The following SH3RF1 variants were observed in gnomAD, a reference collection of about 807,000 sequenced individuals.
SH3RF1 encodes E3 ubiquitin-protein ligase SH3RF1.
SH3RF1 carries 32 observed loss-of-function variants against 74.0 expected under a neutral mutation model. That is an observed-to-expected ratio of 0.43 (90% CI 0.33 to 0.58). SH3RF1 has a LOEUF of 0.58. Among genes scored for constraint, SH3RF1 ranks in the 20% least tolerant of loss-of-function variants. SH3RF1 has a pLI of 0.05. For synonymous variants in SH3RF1, 396 were observed against 439.6 expected (o/e 0.90, Z 1.24); for missense variants, 954 against 1,130.9 (o/e 0.84, Z 2.24).
chr4:169,163,699 C>T (rs770866867), intron 2 of SH3RF1, among the ~76,000 whole-genome samples: 1 of 152,068 alleles, frequency 6.6e-6, no homozygotes, highest in Non-Finnish European at 1.5e-5. Flanking sequence ...TCTGTTCCAC[C>T]TCATATTTTC....
At chr4:169,187,516 C>CTGTGTGTGTG (rs60705711) in intron 2 of SH3RF1, among the ~76,000 whole-genome samples, 1 of 144,072 alleles carries the variant, frequency 6.9e-6, no homozygotes, top group Non-Finnish European at 1.5e-5. Flanking sequence ...CAACGAATTT[C>CTGTGTGTGTG]TGTGTGTGTG....
intron 2 of SH3RF1, among the ~76,000 whole-genome samples, chr4:169,255,622 TACACACACACACACAC>T (rs56229906): frequency 8.0e-5 from 10 of 124,660 alleles, no homozygotes; most frequent in African/African-American, 2.7e-4. Flanking sequence ...CATACACACA[TACACACACACACACAC>T]ACACACACAC....
intron 2 of SH3RF1, among the ~76,000 whole-genome samples, chr4:169,213,718 C>T (rs761456720): frequency 4.6e-5 from 7 of 152,186 alleles, no homozygotes; most frequent in Admixed American, 2.6e-4. Flanking sequence ...TTTCTAGATT[C>T]ATTGTTTGCA....
In SH3RF1 at chr4:169,255,766, A is replaced by AC. The variant is rs1446333038; in HGVS notation, c.393+13053dup. On this transcript the variant is annotated intron_variant, in intron 2 of 11. Coordinates refer to ENST00000284637, the MANE Select transcript of SH3RF1 (RefSeq NM_020870.4). ...GGGCATAATAATCTTTCCTAACATT[A>AC]CTTTTTTTTTTTCTTTTTGAGTCAA... is the stretch of plus-strand genomic sequence containing the variant. 2.6e-5 allele frequency among the ~76,000 whole-genome samples: 4 copies of AC among 151,164 alleles called. No individual in the cohort carries two copies. The East Asian group carries it at 7.8e-4, about 29-fold the overall frequency.
chr4:169,178,554 C>T (rs946116895), intron 2 of SH3RF1, among the ~76,000 whole-genome samples: 1 of 152,130 alleles, frequency 6.6e-6, no homozygotes, highest in East Asian at 1.9e-4. Flanking sequence ...AACACAGGTA[C>T]TTTGGTTCTG....
intron 2 of SH3RF1, among the ~76,000 whole-genome samples, chr4:169,182,976 G>A (rs1734537420): frequency 6.6e-6 from 1 of 152,160 alleles, no homozygotes. Flanking sequence ...GAGGCTAGGG[G>A]TTTGAGACCC....
chr4:169,226,603 T>C (rs770220473), intron 2 of SH3RF1, among the ~76,000 whole-genome samples: 9 of 152,118 alleles, frequency 5.9e-5, no homozygotes, highest in Non-Finnish European at 1.0e-4. Flanking sequence ...GAAAGGGAGA[T>C]ACAGAAAGGC....
chr4:169,270,156 C>T (rs1224037361), intron 1 of SH3RF1, among the ~76,000 whole-genome samples: 2 of 152,246 alleles, frequency 1.3e-5, no homozygotes, highest in Non-Finnish European at 2.9e-5. Context: ...CCCAGGAGAA[C>T]GGGAGTAAAA....
At chr4:169,187,458 G>A (rs968196129) in intron 2 of SH3RF1, among the ~76,000 whole-genome samples, 1 of 151,792 alleles carries the variant, frequency 6.6e-6, no homozygotes, top group Non-Finnish European at 1.5e-5. Context: ...AAAGTGCTGG[G>A]ATTACAGGCA....
At chr4:169,126,740 T>A (rs959137486) in intron 6 of SH3RF1, among the ~76,000 whole-genome samples, 1 of 151,886 alleles carries the variant, frequency 6.6e-6, no homozygotes, top group African/African-American at 2.4e-5. Context: ...TGCACCACCA[T>A]GCCCAGCTAA....
At chr4:169,197,520 A>G (rs1262729339) in intron 2 of SH3RF1, among the ~76,000 whole-genome samples, 2 of 150,444 alleles carry the variant, frequency 1.3e-5, no homozygotes, top group African/African-American at 4.9e-5. Context: ...GCTACTCAGG[A>G]GGCTGAGGCA....
At chr4:169,130,609 T>C (rs1457421592) in intron 5 of SH3RF1, among the ~76,000 whole-genome samples, 1 of 152,174 alleles carries the variant, frequency 6.6e-6, no homozygotes, top group African/African-American at 2.4e-5. Context: ...TATTTTGCTA[T>C]TTTCAGGATC....
intron 2 of SH3RF1, among the ~76,000 whole-genome samples, chr4:169,216,675 C>T (rs796735719): frequency 2.0e-5 from 3 of 152,242 alleles, no homozygotes; most frequent in African/African-American, 7.2e-5. Context: ...ACCCCCATCT[C>T]ACTCAAAAAT....
intron 2 of SH3RF1, among the ~76,000 whole-genome samples, chr4:169,164,987 T>TCA (rs997523828): frequency 2.6e-5 from 4 of 152,220 alleles, no homozygotes; most frequent in Non-Finnish European, 1.5e-5. Context: ...GAAGTTTGTG[T>TCA]CACTCATTGC....
intron 2 of SH3RF1, among the ~76,000 whole-genome samples, chr4:169,201,012 A>G (rs1328091383): frequency 6.6e-6 from 1 of 152,228 alleles, no homozygotes. Flanking sequence ...AAATTTTAAA[A>G]ACACAACAGG....
chr4:169,152,603 G>A (rs1733992869), intron 4 of SH3RF1, among the ~76,000 whole-genome samples: 1 of 152,086 alleles, frequency 6.6e-6, no homozygotes, highest in African/African-American at 2.4e-5. Flanking sequence ...CGGACGTGGT[G>A]GTGCATGTCT....
intron 2 of SH3RF1, among the ~76,000 whole-genome samples, chr4:169,258,971 C>A (rs1210719438): frequency 6.6e-6 from 1 of 152,128 alleles, no homozygotes; most frequent in Non-Finnish European, 1.5e-5. Flanking sequence ...GTATCCCACA[C>A]TGACACTCTT....
intron 4 of SH3RF1, among the ~76,000 whole-genome samples, chr4:169,143,136 G>A (rs1300709862): frequency 6.6e-6 from 1 of 152,200 alleles, no homozygotes; most frequent in South Asian, 2.1e-4. Context: ...AGGGAAGGAA[G>A]TGCTGCCTCT....
intron 2 of SH3RF1, among the ~76,000 whole-genome samples, chr4:169,175,218 C>T (rs573598057): frequency 6.6e-6 from 1 of 152,048 alleles, no homozygotes; most frequent in Non-Finnish European, 1.5e-5. Flanking sequence ...CTGCTACCAG[C>T]CCAAGCCAGA....
Sources: gnomAD v4.1 joint callset for allele counts (sites outside exome capture counted in the v4.1 genomes callset) on GRCh38, gnomAD v4.1.1 for gene constraint, MANE v1.5 for transcripts, NCBI Gene and HGNC (gene_info 2026-07-23, HGNC 2026-07-21) for gene names.